The following ANK1 variants were observed in gnomAD, a reference collection of about 807,000 sequenced individuals.
ANK1 encodes ankyrin-1.
A neutral mutation model predicts 210.4 loss-of-function variants in ANK1; 51 were observed. That is an observed-to-expected ratio of 0.24 (90% CI 0.19 to 0.31). The LOEUF is 0.31. Ranked by LOEUF, ANK1 falls within the 10% of genes least tolerant of loss-of-function variation. ANK1 has a pLI of 1.00. For synonymous variants in ANK1, 967 were observed against 1,025.9 expected, an observed-to-expected ratio of 0.94 and a Z score of 1.10; for missense variants, 2,051 against 2,504.4, an observed-to-expected ratio of 0.82 and a Z score of 3.86.
At position 41,694,568 on chromosome 8, in the gene ANK1, C is replaced by T. The variant is rs1820279593; in HGVS notation, c.3327+24G>A. 2 of 1,607,660 alleles carry T rather than the reference C, an allele frequency of 1.2e-6. No homozygotes were observed. Among genetic ancestry groups the T allele is most frequent in the Admixed American group, 1.7e-5 (1 of 59,626 alleles). ...CCTGGAGTTCAGTCCACCCCCAGGA[C>T]CTGGCGGGGAGGAGGGCTGTCACCT... On this transcript the variant is annotated intron_variant, in intron 28 of 42. Transcript: ENST00000289734. The surrounding 1 kb of genome is among the most constrained non-coding windows in gnomAD (Gnocchi z 5.7).
Position 41,680,421 on chromosome 8 carries a change from G to A in ANK1, c.4537+4123C>T, listed in dbSNP as rs184109760. Among the ~76,000 whole-genome samples the A allele has an allele frequency of 3.5e-4, 53 of 152,134 alleles. No homozygotes were observed. In the East Asian group the frequency reaches 5.8e-3, roughly 17 times the overall value. Reference sequence around the variant, plus strand: ...TCTACTAAAATATAAAAATTATCTGGGTATGGTGGCGGGCACCTGTAGTCC... The same window carrying A: ...TCTACTAAAATATAAAAATTATCTGAGTATGGTGGCGGGCACCTGTAGTCC... On this transcript the variant is annotated intron_variant, in intron 37 of 42. Transcript: ENST00000289734.
chr8:41,736,073 A>T (rs1833336175), intron 2 of ANK1, among the ~76,000 whole-genome samples: 1 of 152,172 alleles, frequency 6.6e-6, no homozygotes, highest in African/African-American at 2.4e-5. Context: ...AAGGGTCCAA[A>T]GCTGTGTGGA....
In ANK1 at chr8:41,729,618, T is replaced by C. The variant is rs1831593275; in HGVS notation, c.229-1612A>G. ...TGTTGTCCAGGCTGGTCTCCTGTCTTAGCCTCTCAGCACTCTGGTATTACA... is the reference window on the plus strand; with the variant it reads ...TGTTGTCCAGGCTGGTCTCCTGTCTCAGCCTCTCAGCACTCTGGTATTACA... On this transcript the variant is annotated intron_variant, in intron 3 of 42. Transcript: ENST00000289734. 2.0e-5 allele frequency among the ~76,000 whole-genome samples: 3 copies of C among 152,352 alleles called. No individual in the cohort carries two copies. The South Asian group carries it at 6.2e-4, about 32-fold the overall frequency.
chr8:41,820,269 C>G (rs897457636), intron 1 of ANK1, among the ~76,000 whole-genome samples: 4 of 151,756 alleles, frequency 2.6e-5, no homozygotes, highest in African/African-American at 9.7e-5. Context: ...AAGTGATCCT[C>G]CTGCCTCAGC....
chr8:41,663,761 A>T lies in ANK1; in HGVS notation c.5395-19T>A. On this transcript the variant is annotated intron_variant, in intron 39 of 42. Coordinates refer to ENST00000289734, the MANE Select transcript of ANK1 (RefSeq NM_000037.4). ...CATTCCCCTGGAATTAGAGAAAGGG[A>T]GAAAATGCAAGATTGGTGAGTGGGA... 6.3e-7 allele frequency: 1 copy of T among 1,590,354 alleles called. No individual in the cohort carries two copies.
rs76005004 is a variant in ANK1 at position 41,692,059 on chromosome 8, CTT to C, written c.3858+587_3858+588del. 2.7e-3 allele frequency among the ~76,000 whole-genome samples: 382 copies of C among 140,786 alleles called. 2 individuals carry two copies. Among genetic ancestry groups the C allele is most frequent in the African/African-American group, 9.5e-3 (366 of 38,660 alleles). The allele number at this position is 140,786 out of a possible 152,430, so 92.4% of individuals were successfully genotyped here. ...CACCACCATACTCAGCTGGCTAGCA[CTT>C]TTTTTTTTTTTTTTAAACAGAGTCT... On this transcript the variant is annotated intron_variant, in intron 31 of 42. Transcript: ENST00000289734.
intron 1 of ANK1, among the ~76,000 whole-genome samples, chr8:41,844,781 G>A (rs1413675999): frequency 6.6e-6 from 1 of 152,172 alleles, no homozygotes; most frequent in Admixed American, 6.5e-5. Context: ...TAATGAAATG[G>A]TCCTTTCAGC....
chr8:41,830,016 A>G (rs1410895205), intron 1 of ANK1: 2 of 151,354 alleles, frequency 1.3e-5, no homozygotes, highest in African/African-American at 4.9e-5. Flanking sequence ...TTGCCTAGAT[A>G]TTCCTCCGAT....
intron 1 of ANK1, among the ~76,000 whole-genome samples, chr8:41,793,809 A>G (rs1586989239): frequency 1.3e-5 from 2 of 152,216 alleles, no homozygotes; most frequent in Non-Finnish European, 2.9e-5. Flanking sequence ...AGTGGCTCCC[A>G]TCTCCTTTTA....
At chr8:41,872,572 T>C (rs1192483390) in intron 1 of ANK1, among the ~76,000 whole-genome samples, 1 of 152,184 alleles carries the variant, frequency 6.6e-6, no homozygotes. Context: ...AGAAGCCCCA[T>C]GTCAGAGGCC....
chr8:41,683,987 CAG>C (rs927365738), intron 37 of ANK1, among the ~76,000 whole-genome samples: 6 of 152,330 alleles, frequency 3.9e-5, no homozygotes, highest in South Asian at 2.1e-4. Context: ...GAGGAAAAAG[CAG>C]AGAGACCCGG....
At chr8:41,811,341 A>C (rs1802449379) in intron 1 of ANK1, among the ~76,000 whole-genome samples, 1 of 152,232 alleles carries the variant, frequency 6.6e-6, no homozygotes, top group African/African-American at 2.4e-5. Flanking sequence ...AAAAAACAAA[A>C]CAAGAAACAA....
intron 1 of ANK1, among the ~76,000 whole-genome samples, chr8:41,807,628 G>A (rs918138237): frequency 6.8e-6 from 1 of 147,368 alleles, no homozygotes; most frequent in South Asian, 2.1e-4. Context: ...TCATGATGAA[G>A]AGGACACTGA....
At chr8:41,708,736 T>C in intron 17 of ANK1, 42 bp downstream of exon 17, 1 of 1,606,814 alleles carries the variant, frequency 6.2e-7, no homozygotes, top group Non-Finnish European at 8.5e-7. Flanking sequence ...CCACACGTTG[T>C]TATCCAGCAC....
At chr8:41,877,585 A>G (rs1031882362) in intron 1 of ANK1, among the ~76,000 whole-genome samples, 1 of 152,254 alleles carries the variant, frequency 6.6e-6, no homozygotes, top group Non-Finnish European at 1.5e-5. Flanking sequence ...AGAAAAAGCC[A>G]CTGCTCTCAC....
At chr8:41,684,474 G>C in intron 37 of ANK1, 70 bp downstream of exon 37, 1 of 1,594,764 alleles carries the variant, frequency 6.3e-7, no homozygotes, top group Non-Finnish European at 8.6e-7. Flanking sequence ...TTGTGGGAAG[G>C]GGTTATTGGT....
chr8:41,709,900 G>T (rs1825682665), intron 16 of ANK1, among the ~76,000 whole-genome samples: 1 of 152,122 alleles, frequency 6.6e-6, no homozygotes, highest in African/African-American at 2.4e-5. Context: ...CTGCACTATG[G>T]CCTGGAGCAG....
At chr8:41,877,214 C>T (rs1041757362) in intron 1 of ANK1, among the ~76,000 whole-genome samples, 7 of 152,376 alleles carry the variant, frequency 4.6e-5, no homozygotes, top group South Asian at 2.1e-4. Context: ...CATCCCACAG[C>T]GCAGGTGAAA....
intron 1 of ANK1, among the ~76,000 whole-genome samples, chr8:41,850,950 C>A (rs911643745): frequency 6.6e-6 from 1 of 152,174 alleles, no homozygotes; most frequent in African/African-American, 2.4e-5. Context: ...CTAAGGGAGG[C>A]GGGGTGAGTC....
Sources: gnomAD v4.1 joint callset for allele counts (sites outside exome capture counted in the v4.1 genomes callset) on GRCh38, gnomAD v4.1.1 for gene constraint, Gnocchi (gnomAD v3.1) non-coding constraint, MANE v1.5 for transcripts, NCBI Gene and HGNC (gene_info 2026-07-23, HGNC 2026-07-21) for gene names.